ZNF676: variants seen among roughly 807,000 people sequenced by gnomAD.
ZNF676 encodes zinc finger protein 676.
A neutral mutation model predicts 6.0 loss-of-function variants in ZNF676; 4 were observed. That is an observed-to-expected ratio of 0.67 (90% confidence interval 0.33 to 1.53). The LOEUF (loss-of-function observed/expected upper bound fraction) is 1.53. Among genes scored for constraint, ZNF676 ranks in the 40% most tolerant of loss-of-function variants. The pLI, the probability that ZNF676 is intolerant of heterozygous loss-of-function variation, is 0.06. For missense variants in ZNF676, 644 were observed against 679.7 expected (o/e 0.95, Z 0.58); for synonymous variants, 198 against 223.1 (o/e 0.89, Z 1.00).
At chr19:22,236,173 C>A in the ZNF676 span, among the ~76,000 whole-genome samples, 1 of 151,934 alleles carries the variant, frequency 6.6e-6, no homozygotes, top group Non-Finnish European at 1.5e-5. Flanking sequence ...GTAGAGGCAG[C>A]TCTAATGGCT....
Position 22,205,890 on chromosome 19 carries a change from T to G in ZNF676, c.4-9164A>C, listed in dbSNP as rs564063006. 6.0e-5 allele frequency among the ~76,000 whole-genome samples: 9 copies of G among 151,150 alleles called. No homozygotes were observed. In the South Asian group the frequency reaches 1.9e-3, roughly 32 times the overall value. On this transcript the variant is annotated intron_variant, in intron 1 of 3. Transcript: ENST00000650058. The stretch of plus-strand genomic sequence containing the variant: ...AGGCATTAAATCTATTTAAAAAAAG[T>G]AAATAAACTATGAGCTAGATTAATG...
intron 2 of ZNF676, among the ~76,000 whole-genome samples, chr19:22,192,323 T>A (rs1321456069): frequency 6.6e-6 from 1 of 152,068 alleles, no homozygotes; most frequent in Non-Finnish European, 1.5e-5. Flanking sequence ...CAAATAAATT[T>A]AAATATATTT....
At chr19:22,223,988 CTA>C in the ZNF676 span, among the ~76,000 whole-genome samples, 1 of 151,354 alleles carries the variant, frequency 6.6e-6, no homozygotes, top group Non-Finnish European at 1.5e-5. Context: ...AAATTTACCT[CTA>C]GTTTTCTTTA....
upstream of ZNF676, among the ~76,000 whole-genome samples, chr19:22,216,909 T>A (rs2024197827): frequency 6.8e-6 from 1 of 147,522 alleles, no homozygotes; most frequent in Non-Finnish European, 1.5e-5. Flanking sequence ...CACTCCATTC[T>A]GGGTGACAAG....
chr19:22,259,251 A>G, the ZNF676 span, among the ~76,000 whole-genome samples: 2 of 152,166 alleles, frequency 1.3e-5, no homozygotes, highest in African/African-American at 4.8e-5. Context: ...ATATGTCACA[A>G]TGCTCCCTGT....
chr19:22,180,476 A>C lies in ZNF676; in HGVS notation c.1241T>G (p.Ile414Ser). 1 of 1,606,852 alleles carries C rather than the reference A, an allele frequency of 6.2e-7. No individual in the cohort carries two copies. ...CTTGTAGGGTTTCTCTCCAGTATGA[A>C]TTCTCTTATGTTCCATGAGCTTTGA... ...SSSKLMEHKR[I>S]HTGEKPYKCE... is the part of the protein sequence containing the mutation. Residue 414 changes from isoleucine to serine, a missense_variant, in exon 3 of 3, where the codon ATT becomes AGT. By Grantham distance (142) the Ile-to-Ser change is moderately radical (BLOSUM62 -2). Transcript: ENST00000397121.
At chr19:22,181,710 C>G in intron 2 of ZNF676, 124 bp from the exon 3 acceptor site, 1 of 672,178 alleles carries the variant, frequency 1.5e-6, no homozygotes, top group Non-Finnish European at 2.3e-6. Context: ...ATGACACAGG[C>G]CCTAATTCTT....
intron 1 of ZNF676, among the ~76,000 whole-genome samples, chr19:22,202,727 C>T (rs1243129616): frequency 6.6e-6 from 1 of 152,162 alleles, no homozygotes; most frequent in East Asian, 1.9e-4. Flanking sequence ...TTTACAGCAC[C>T]ATGTCATACA....
the ZNF676 span, among the ~76,000 whole-genome samples, chr19:22,233,457 G>A: frequency 6.6e-6 from 1 of 152,188 alleles, no homozygotes; most frequent in Non-Finnish European, 1.5e-5. Flanking sequence ...TTATCACGTA[G>A]CTTTGTCCTG....
the ZNF676 span, among the ~76,000 whole-genome samples, chr19:22,227,336 G>A: frequency 6.6e-6 from 1 of 152,146 alleles, no homozygotes; most frequent in Non-Finnish European, 1.5e-5. Flanking sequence ...CAATGTACCA[G>A]AATCTCTGGG....
At chr19:22,252,632 T>A in the ZNF676 span, among the ~76,000 whole-genome samples, 309 of 152,302 alleles carry the variant, frequency 2.0e-3, 1 homozygote, top group African/African-American at 7.1e-3. Flanking sequence ...AAAGGTATGT[T>A]ACAATGCCTT....
chr19:22,198,335 G>C (rs868807760), upstream of ZNF676, among the ~76,000 whole-genome samples: 1 of 152,082 alleles, frequency 6.6e-6, no homozygotes, highest in Middle Eastern at 3.4e-3. Context: ...CTGGTATATA[G>C]AAAAAAATAT....
the ZNF676 span, among the ~76,000 whole-genome samples, chr19:22,247,293 G>A: frequency 6.6e-6 from 1 of 152,148 alleles, no homozygotes; most frequent in Non-Finnish European, 1.5e-5. Flanking sequence ...GCCAGGCACG[G>A]CGGCTCATGT....
At chr19:22,259,831 A>T in the ZNF676 span, 1 of 152,204 alleles carries the variant, frequency 6.6e-6, no homozygotes, top group East Asian at 1.9e-4. Context: ...GCCCAGCAAT[A>T]TGTCACTATC....
intron 2 of ZNF676, among the ~76,000 whole-genome samples, chr19:22,186,140 G>A (rs2023835716): frequency 6.6e-6 from 1 of 152,094 alleles, no homozygotes; most frequent in South Asian, 2.1e-4. Flanking sequence ...AGAAATGTAG[G>A]GTTACCCACA....
rs754961900 is a variant in ZNF676, at chr19:22,179,961, C to A, written c.1756G>T (p.Glu586Ter). Reference sequence around the variant, plus strand: ...CATTCTTCACATTTTTAGGGATTCTCTCCAGTATGAATTTTCTTATGATAA... The same window carrying A: ...CATTCTTCACATTTTTAGGGATTCTATCCAGTATGAATTTTCTTATGATAA... ...VSYHKKIHTG[E>*]NP Residue 586 changes from glutamate to a stop codon, truncating the protein, a stop_gained, in exon 3 of 3, where the codon GAG becomes TAG. Transcript: ENST00000397121. LOFTEE classifies it high-confidence loss of function. 1.1e-5 allele frequency: 18 copies of A among 1,613,160 alleles called. No individual in the cohort carries two copies. Among genetic ancestry groups the A allele is most frequent in the Non-Finnish European group, 1.5e-5 (18 of 1,179,638 alleles).
chr19:22,197,812 A>T (rs991232448), upstream of ZNF676, among the ~76,000 whole-genome samples: 3 of 152,210 alleles, frequency 2.0e-5, no homozygotes, highest in African/African-American at 7.2e-5. Flanking sequence ...ATTTATTAAC[A>T]TCAATTACAC....
the ZNF676 span, among the ~76,000 whole-genome samples, chr19:22,251,197 T>C: frequency 2.6e-5 from 4 of 152,254 alleles, no homozygotes. Context: ...TAAAAACCTA[T>C]GTGAAAAATA....
chr19:22,240,282 T>C, the ZNF676 span, among the ~76,000 whole-genome samples: 19 of 150,204 alleles, frequency 1.3e-4, no homozygotes, highest in East Asian at 1.5e-3. Flanking sequence ...TGGCATGGCC[T>C]GGTCAGAAGA....
Sources: gnomAD v4.1 joint callset for allele counts (sites outside exome capture counted in the v4.1 genomes callset) on GRCh38, gnomAD v4.1.1 for gene constraint, MANE v1.5 for transcripts, NCBI Gene and HGNC (gene_info 2026-07-23, HGNC 2026-07-21) for gene names.